CYB5R2: variants seen among roughly 807,000 people sequenced by gnomAD.
CYB5R2 encodes NADH-cytochrome b5 reductase 2.
In CYB5R2, 35 loss-of-function variants were observed where a neutral mutation model predicts 29.8. That is an observed-to-expected ratio of 1.17 (90% CI 0.90 to 1.56). The LOEUF (loss-of-function observed/expected upper bound fraction) is 1.56. CYB5R2 is among the 40% of genes most tolerant of loss of function. The pLI is 0.00. For missense variants in CYB5R2, 419 were observed against 346.7 expected (o/e 1.21, Z -1.66); for synonymous variants, 169 against 130.6 (o/e 1.29, Z -2.01).
intron 6 of CYB5R2, 66 bp from the exon 7 acceptor site, chr11:7,667,879 AGCAAGCTTCATAC>A: frequency 7.6e-7 from 1 of 1,311,394 alleles, no homozygotes; most frequent in Non-Finnish European, 1.1e-6. Flanking sequence ...CCTGACCTGC[AGCAAGCTTCATAC>A]CTTCCCCCAG....
At chr11:7,673,771 C>T, upstream of CYB5R2, 1 of 987,372 alleles carries the variant, frequency 1.0e-6, no homozygotes, top group Non-Finnish European at 1.2e-6. Flanking sequence ...GGGGCCGCTC[C>T]CCGCCGCGGG....
chr11:7,671,388 A>C (rs956113632), intron 3 of CYB5R2: 1 of 152,268 alleles, frequency 6.6e-6, no homozygotes, highest in Non-Finnish European at 1.5e-5. Context: ...AGGCCTCTAC[A>C]TTACCTTGTC....
intron 7 of CYB5R2, 48 bp from the exon 8 acceptor site, chr11:7,666,598 G>T: frequency 7.2e-7 from 1 of 1,395,798 alleles, no homozygotes; most frequent in South Asian, 1.2e-5. Flanking sequence ...CCATCCTCTT[G>T]TTCCCTGGAC....
At chr11:7,666,305 A>G in intron 8 of CYB5R2, 146 bp downstream of exon 8, 3 of 620,534 alleles carry the variant, frequency 4.8e-6, no homozygotes, top group Non-Finnish European at 5.8e-6. Context: ...AATTTCTCAC[A>G]TTTCCCATCT....
intron 5 of CYB5R2, 68 bp downstream of exon 5, chr11:7,669,137 G>T (rs772515234): frequency 3.1e-6 from 5 of 1,591,706 alleles, no homozygotes; most frequent in African/African-American, 2.7e-5. Context: ...AGGAGTGTAC[G>T]AGAACAATGG....
At chr11:7,673,763 G>C, upstream of CYB5R2, 1 of 986,960 alleles carries the variant, frequency 1.0e-6, no homozygotes. Context: ...GTTGGCCGGG[G>C]GCCGCTCCCC....
At chr11:7,669,078 G>A (rs1162142226) in intron 5 of CYB5R2, 127 bp downstream of exon 5, 2 of 1,123,902 alleles carry the variant, frequency 1.8e-6, no homozygotes, top group Non-Finnish European at 1.4e-6. Flanking sequence ...ATTATGCATT[G>A]TGTGTGAATG....
intron 6 of CYB5R2, 62 bp from the exon 7 acceptor site, chr11:7,667,875 C>G (rs1855418934): frequency 1.5e-6 from 2 of 1,329,834 alleles, no homozygotes; most frequent in Middle Eastern, 1.8e-4. Context: ...AGTCCCTGAC[C>G]TGCAGCAAGC....
Position 7,667,519 on chromosome 11 carries a change from C to T in CYB5R2, c.558+209G>A, listed in dbSNP as rs561657853. 6.0e-4 allele frequency: 322 copies of T among 537,054 alleles called. 1 individual carries two copies. Among genetic ancestry groups the T allele is most frequent in the Non-Finnish European group, 3.0e-5 (9 of 301,190 alleles). 33.3% of individuals were successfully genotyped at this position (537,054 alleles called of 1,614,324 possible). A position where few individuals can be genotyped will look rare whatever the true frequency, so the allele number is the denominator to read the frequency against. ...AGGAATGCTTAGTGCTTAGGGCTGG[C>T]TGAGGAGACACAAAAGAGTTAAATA... On this transcript the variant is annotated intron_variant, in intron 7 of 8. Coordinates refer to ENST00000299498, the MANE Select transcript of CYB5R2 (RefSeq NM_016229.5).
chr11:7,673,571 C>A, upstream of CYB5R2: 1 of 985,762 alleles, frequency 1.0e-6, no homozygotes, highest in Non-Finnish European at 1.2e-6. Flanking sequence ...CCTCTCCCCA[C>A]GCCTCCCGCT....
chr11:7,666,923 T>C, intron 7 of CYB5R2: 1 of 171,034 alleles, frequency 5.8e-6, no homozygotes, highest in Non-Finnish European at 1.2e-5. Flanking sequence ...ACAAGCTCAG[T>C]GCAGGCCCAG....
chr11:7,671,767 C>G (rs1482746003), intron 3 of CYB5R2: 1 of 152,254 alleles, frequency 6.6e-6, no homozygotes, highest in East Asian at 1.9e-4. Context: ...ATCCCTGATT[C>G]TAGCAGTTTT....
chr11:7,666,260 CTTA>C, intron 8 of CYB5R2, 188 bp downstream of exon 8: 1 of 598,874 alleles, frequency 1.7e-6, no homozygotes, highest in Non-Finnish European at 3.0e-6. Context: ...CTCGATTGCC[CTTA>C]AAAGCAGGCC....
chr11:7,666,406 G>T, intron 8 of CYB5R2, 45 bp downstream of exon 8: 1 of 1,269,854 alleles, frequency 7.9e-7, no homozygotes, highest in Non-Finnish European at 1.1e-6. Flanking sequence ...AAGTGGTCAA[G>T]GGTTGGTGCT....
In CYB5R2 at chr11:7,667,547, T is replaced by G. The variant is rs544098182; in HGVS notation, c.558+181A>C. On this transcript the variant is annotated intron_variant, in intron 7 of 8. Transcript: ENST00000299498. ...AGGAGACACAAAAGAGTTAAATACA[T>G]GCAAAAAGCAGGCCTGGACTCAGCT... 23 of 603,964 alleles carry G rather than the reference T, an allele frequency of 3.8e-5. No individual in the cohort carries two copies. In the African/African-American group the frequency reaches 4.1e-4, roughly 11 times the overall value. The allele number at this position is 603,964 out of a possible 1,614,324, so 37.4% of individuals were successfully genotyped here.
chr11:7,668,473 C>G lies in CYB5R2; in HGVS notation c.472+5G>C. ...CTCTGGATGGAGCCCCTAGAAGCCTCTTACCTGTGCCCCCAGCAATCATTC... is the reference window on the plus strand; with the variant it reads ...CTCTGGATGGAGCCCCTAGAAGCCTGTTACCTGTGCCCCCAGCAATCATTC... On this transcript the variant is annotated splice_donor_5th_base_variant and intron_variant, in intron 6 of 8. Coordinates refer to ENST00000299498, the MANE Select transcript of CYB5R2 (RefSeq NM_016229.5). 1 of 1,612,822 alleles carries G rather than the reference C, an allele frequency of 6.2e-7. No individual in the cohort carries two copies. The highest frequency in any genetic ancestry group is 8.5e-7 in the Non-Finnish European group (1 of 1,178,786).
rs535051265 is a variant in CYB5R2, at chr11:7,672,496, G to A, written c.106C>T (p.Arg36Cys). The change falls in exon 3 of 9, where the codon CGC (arginine) becomes TGC (cysteine). Residue 36 changes from arginine (R) to cysteine (C), a missense_variant. Arg to Cys is a radical substitution (Grantham distance 180, BLOSUM62 -3). Coordinates refer to ENST00000299498, the MANE Select transcript of CYB5R2 (RefSeq NM_016229.5). ...EKISHNTRRF[R>C]FGLPSPDHVL... is the part of the protein sequence containing the mutation. ...TGGTCCGGCGAAGGCAGTCCAAAGC[G>A]GAACCTCCGGGTGTTGTGGCTGATT... 46 of 1,614,190 alleles carry A rather than the reference G, an allele frequency of 2.8e-5. 1 individual carries two copies. The highest frequency in any genetic ancestry group is 1.0e-4 in the Admixed American group (6 of 60,024).
chr11:7,673,489 C>G lies in CYB5R2; in HGVS notation c.-137G>C, dbSNP rs1381897062. On this transcript the variant is annotated 5_prime_UTR_variant, in exon 1 of 9. Transcript: ENST00000299498. Reference sequence around the variant, plus strand: ...AAAGTTGCCTCTCCTCCCGCCGGGTCACTGGAGTCTCAGCCTTCCGGAATC... The same window carrying G: ...AAAGTTGCCTCTCCTCCCGCCGGGTGACTGGAGTCTCAGCCTTCCGGAATC... 3.0e-6 allele frequency: 3 copies of G among 986,406 alleles called. No homozygotes were observed. The African/African-American group carries it at 5.2e-5, about 17-fold the overall frequency. The allele number at this position is 986,406 out of a possible 1,614,324, so 61.1% of individuals were successfully genotyped here.
chr11:7,669,959 T>A (rs1414650954), intron 3 of CYB5R2: 4 of 517,478 alleles, frequency 7.7e-6, no homozygotes, highest in Non-Finnish European at 1.4e-5. Context: ...TGGGTTTTGG[T>A]CTCTTCATCT....
Sources: gnomAD v4.1 joint callset for allele counts on GRCh38, gnomAD v4.1.1 for gene constraint, MANE v1.5 for transcripts, NCBI Gene and HGNC (gene_info 2026-07-23, HGNC 2026-07-21) for gene names.